Variants in NXPE2 observed in about 807,000 individuals in gnomAD.
The protein encoded by NXPE2 is NXPE family member 2.
In NXPE2, 34 loss-of-function variants were observed where a neutral mutation model predicts 34.4. That is an observed-to-expected ratio of 0.99 (90% CI 0.75 to 1.31). NXPE2 has a LOEUF of 1.31. Among genes scored for constraint, NXPE2 ranks in the 40% most tolerant of loss-of-function variants. The probability of loss-of-function intolerance (pLI) is 0.00; values close to 1 mark genes in which losing one functional copy is unlikely to be tolerated. For synonymous variants in NXPE2, 235 were observed against 231.3 expected (o/e 1.02, Z -0.15); for missense variants, 649 against 672.5 (o/e 0.97, Z 0.39).
the NXPE2 span, among the ~76,000 whole-genome samples, chr11:114,478,857 G>A: frequency 6.6e-6 from 1 of 152,140 alleles, no homozygotes; most frequent in African/African-American, 2.4e-5. Flanking sequence ...CTATTGTCCT[G>A]GGCGCCAGGG....
chr11:114,608,354 T>C, the NXPE2 span, among the ~76,000 whole-genome samples: 3 of 151,876 alleles, frequency 2.0e-5, no homozygotes, highest in African/African-American at 7.3e-5. Context: ...GCCACGTGGG[T>C]AACAACTCTT....
chr11:114,678,241 A>G (rs1435469300), upstream of NXPE2: 2 of 174,570 alleles, frequency 1.1e-5, no homozygotes, highest in African/African-American at 2.4e-5. Context: ...TGAAAACCAT[A>G]CAAAGGCATG....
the NXPE2 span, among the ~76,000 whole-genome samples, chr11:114,622,569 C>A: frequency 1.4e-4 from 21 of 151,814 alleles, no homozygotes; most frequent in African/African-American, 5.1e-4. Context: ...TCGTGGGTAA[C>A]CACTGCTACC....
chr11:114,598,649 T>A, the NXPE2 span, among the ~76,000 whole-genome samples: 15 of 150,056 alleles, frequency 1.0e-4, no homozygotes, highest in Non-Finnish European at 1.9e-4. Flanking sequence ...AGCAATGGCT[T>A]GAGCTGTACC....
At chr11:114,626,188 G>C in the NXPE2 span, among the ~76,000 whole-genome samples, 10 of 152,250 alleles carry the variant, frequency 6.6e-5, no homozygotes, top group South Asian at 1.7e-3. Flanking sequence ...CTTAAGGAGG[G>C]CTGCCTGCCT....
At chr11:114,745,991 CATA>C in the NXPE2 span, among the ~76,000 whole-genome samples, 1 of 151,904 alleles carries the variant, frequency 6.6e-6, no homozygotes, top group African/African-American at 2.4e-5. Context: ...ATTATGATAA[CATA>C]ATACATTTTG....
chr11:114,493,205 C>T, the NXPE2 span, among the ~76,000 whole-genome samples: 9 of 152,118 alleles, frequency 5.9e-5, no homozygotes, highest in African/African-American at 1.9e-4. Flanking sequence ...CTATGTATGT[C>T]TTATGGTGAA....
chr11:114,704,802 G>T (rs1198131031), intron 4 of NXPE2, among the ~76,000 whole-genome samples: 1 of 152,162 alleles, frequency 6.6e-6, no homozygotes, highest in Non-Finnish European at 1.5e-5. Flanking sequence ...TCCCTTCTCT[G>T]CTAGGGCAAC....
the NXPE2 span, among the ~76,000 whole-genome samples, chr11:114,577,028 CATATATATATATAAAGTTATATATAT>C: frequency 1.7e-4 from 16 of 95,012 alleles, no homozygotes; most frequent in East Asian, 2.6e-3. Context: ...TATATATATA[CATATATATATATAAAGTTATATATAT>C]ATACATATAT....
the NXPE2 span, among the ~76,000 whole-genome samples, chr11:114,768,644 T>A: frequency 2.0e-5 from 3 of 152,176 alleles, no homozygotes; most frequent in African/African-American, 7.2e-5. Flanking sequence ...GTAAGTTGTA[T>A]TCCTAGGTAT....
At chr11:114,557,309 A>G in the NXPE2 span, among the ~76,000 whole-genome samples, 1 of 152,134 alleles carries the variant, frequency 6.6e-6, no homozygotes, top group Middle Eastern at 3.2e-3. Flanking sequence ...GGAAATTTCA[A>G]TATGCATCTT....
the NXPE2 span, among the ~76,000 whole-genome samples, chr11:114,767,294 A>G: frequency 1.3e-5 from 2 of 152,144 alleles, no homozygotes; most frequent in Non-Finnish European, 2.9e-5. Context: ...TGATGATATC[A>G]CTAGATTGAT....
At chr11:114,491,265 C>A in the NXPE2 span, among the ~76,000 whole-genome samples, 5 of 151,512 alleles carry the variant, frequency 3.3e-5, no homozygotes, top group African/African-American at 1.2e-4. Context: ...ACCTACTCAT[C>A]TGACGAAGGG....
chr11:114,530,646 A>T, the NXPE2 span: 2 of 1,614,176 alleles, frequency 1.2e-6, no homozygotes, highest in African/African-American at 2.7e-5. Flanking sequence ...CACCTCCAGT[A>T]GGATGTCCAG....
the NXPE2 span, among the ~76,000 whole-genome samples, chr11:114,714,793 G>A: frequency 1.3e-5 from 2 of 152,180 alleles, no homozygotes; most frequent in Non-Finnish European, 2.9e-5. Flanking sequence ...GGAGGCCGAG[G>A]CAGGTGGATC....
the NXPE2 span, among the ~76,000 whole-genome samples, chr11:114,536,019 C>G: frequency 6.6e-6 from 1 of 152,096 alleles, no homozygotes; most frequent in Non-Finnish European, 1.5e-5. Flanking sequence ...CAAAATTGAC[C>G]ACATAGTTGG....
chr11:114,589,308 C>G, the NXPE2 span, among the ~76,000 whole-genome samples: 1 of 152,162 alleles, frequency 6.6e-6, no homozygotes, highest in South Asian at 2.1e-4. Context: ...CCCATTACAG[C>G]ACAGGAGGCC....
At chr11:114,621,210 T>C in the NXPE2 span, among the ~76,000 whole-genome samples, 1 of 152,150 alleles carries the variant, frequency 6.6e-6, no homozygotes, top group African/African-American at 2.4e-5. Context: ...TGGTGGATAA[T>C]AAGTGTTGCC....
chr11:114,523,635 A>G, the NXPE2 span, among the ~76,000 whole-genome samples: 1 of 152,218 alleles, frequency 6.6e-6, no homozygotes, highest in Non-Finnish European at 1.5e-5. Context: ...GCAACATCCA[A>G]TACAAACCAA....
Sources: allele counts gnomAD v4.1 joint callset (sites outside exome capture counted in the v4.1 genomes callset), GRCh38; gene constraint gnomAD v4.1.1; transcripts MANE v1.5; gene names NCBI Gene and HGNC (gene_info 2026-07-23, HGNC 2026-07-21).